The following DNAAF5 variants were observed in gnomAD, a reference collection of about 807,000 sequenced individuals.
DNAAF5 encodes dynein axonemal assembly factor 5.
Under a neutral mutation model 75.8 loss-of-function variants are expected in DNAAF5, and 64 were observed. The observed-to-expected ratio is 0.84, with a 90% CI of 0.69 to 1.04. The LOEUF is 1.04. Among genes scored for constraint, DNAAF5 ranks in the 50% least tolerant of loss-of-function variants. The probability of loss-of-function intolerance (pLI) is 0.00; values close to 1 mark genes in which losing one functional copy is unlikely to be tolerated. For synonymous variants in DNAAF5, 657 were observed against 557.2 expected (o/e 1.18, Z -2.52); for missense variants, 1,269 against 1,178.5 (o/e 1.08, Z -1.12).
chr7:751,729 C>T (rs766777966), intron 4 of DNAAF5, among the ~76,000 whole-genome samples: 6 of 151,950 alleles, frequency 3.9e-5, no homozygotes, highest in Middle Eastern at 3.4e-3. Context: ...CTCGCCAGCA[C>T]GACCGGCTTA....
intron 6 of DNAAF5, 146 bp from the exon 7 acceptor site, chr7:761,607 A>C (rs943542638): frequency 2.6e-6 from 2 of 768,508 alleles, no homozygotes; most frequent in African/African-American, 1.8e-5. Context: ...CAGCACGGGA[A>C]AGACCCACCC....
At chr7:766,791 C>A (rs73036238) in intron 8 of DNAAF5, among the ~76,000 whole-genome samples, 21,906 of 152,234 alleles carry the variant, frequency 0.14, 2,139 homozygotes, top group Middle Eastern at 0.26. Flanking sequence ...GCCCGGACAA[C>A]AGAGAGAGAC....
At chr7:783,433 C>A (rs1440546798) in intron 12 of DNAAF5, among the ~76,000 whole-genome samples, 1 of 152,176 alleles carries the variant, frequency 6.6e-6, no homozygotes, top group African/African-American at 2.4e-5. Context: ...GCTCTGCGTG[C>A]GACCACATGC....
At chr7:739,478 G>A (rs998261719) in intron 2 of DNAAF5, among the ~76,000 whole-genome samples, 2 of 152,218 alleles carry the variant, frequency 1.3e-5, no homozygotes, top group African/African-American at 4.8e-5. Flanking sequence ...GTTTCTCTTA[G>A]TTGTTATCTG....
At chr7:745,382 C>G (rs1214487610) in intron 4 of DNAAF5, among the ~76,000 whole-genome samples, 7 of 152,254 alleles carry the variant, frequency 4.6e-5, no homozygotes, top group African/African-American at 1.7e-4. Flanking sequence ...GATCTATGAT[C>G]CTTGGAATGC....
chr7:759,923 C>T (rs1224471511), intron 6 of DNAAF5, among the ~76,000 whole-genome samples: 1 of 152,196 alleles, frequency 6.6e-6, no homozygotes, highest in Non-Finnish European at 1.5e-5. Context: ...CAGATATTGT[C>T]CTCAGAAGTC....
At chr7:770,720 C>A (rs1251607137) in intron 9 of DNAAF5, 102 bp downstream of exon 9, 3 of 1,125,974 alleles carry the variant, frequency 2.7e-6, no homozygotes, top group African/African-American at 3.1e-5. Context: ...GTTCCCACCT[C>A]CTTCCCCAAC....
chr7:732,229 G>A (rs1249581744), intron 2 of DNAAF5, among the ~76,000 whole-genome samples: 4 of 152,238 alleles, frequency 2.6e-5, no homozygotes, highest in South Asian at 2.1e-4. Context: ...GTCCCAGTGC[G>A]GCAGGGGCTA....
At chr7:774,926 C>A in intron 10 of DNAAF5, 80 bp from the exon 11 acceptor site, 1 of 1,261,664 alleles carries the variant, frequency 7.9e-7, no homozygotes, top group Non-Finnish European at 1.2e-6. Flanking sequence ...TCCTTCCAGG[C>A]AGGAGTGCAC....
At chr7:742,980 T>A (rs1263113996) in intron 4 of DNAAF5, among the ~76,000 whole-genome samples, 1 of 152,240 alleles carries the variant, frequency 6.6e-6, no homozygotes, top group African/African-American at 2.4e-5. Context: ...CTCAACTTAC[T>A]TCCCATGTCA....
Position 726,704 on chromosome 7 carries a change from C to T in DNAAF5, c.-17C>T. ...GCGAAAGCGCTGTTCCCCTTAGTGACCGGCGACGCGGGCAAGATGGCGGCG... is the reference window on the plus strand; with the variant it reads ...GCGAAAGCGCTGTTCCCCTTAGTGATCGGCGACGCGGGCAAGATGGCGGCG... On this transcript the variant is annotated 5_prime_UTR_variant, in exon 1 of 13. Transcript: ENST00000297440. The T allele has an allele frequency of 8.1e-7, 1 of 1,237,000 alleles. No individual in the cohort carries two copies. The highest frequency in any genetic ancestry group is 1.6e-5 in the African/African-American group (1 of 64,452). The allele number at this position is 1,237,000 out of a possible 1,614,324, so 76.6% of individuals were successfully genotyped here.
At chr7:741,307 C>T (rs904202419) in intron 3 of DNAAF5, 40 bp from the exon 4 acceptor site, 2 of 1,492,070 alleles carry the variant, frequency 1.3e-6, no homozygotes, top group East Asian at 2.3e-5. Flanking sequence ...CCCCTGCGTG[C>T]CCTGCCCTGA....
At chr7:763,742 G>A in intron 7 of DNAAF5, 64 bp from the exon 8 acceptor site, 1 of 1,549,456 alleles carries the variant, frequency 6.5e-7, no homozygotes, top group South Asian at 1.2e-5. Context: ...GTGAGTCCCA[G>A]CAGGCAGGCA....
intron 2 of DNAAF5, among the ~76,000 whole-genome samples, chr7:738,908 A>C (rs980806080): frequency 1.3e-5 from 2 of 152,204 alleles, no homozygotes; most frequent in Non-Finnish European, 2.9e-5. Flanking sequence ...ACAGTGCAGG[A>C]GGTCAGGGAG....
intron 4 of DNAAF5, among the ~76,000 whole-genome samples, chr7:743,457 T>A (rs1781984577): frequency 6.6e-6 from 1 of 152,096 alleles, no homozygotes; most frequent in Non-Finnish European, 1.5e-5. Context: ...TACAGAGCCG[T>A]GGCTCCTCCC....
At chr7:762,719 T>G (rs995792523) in intron 7 of DNAAF5, among the ~76,000 whole-genome samples, 13 of 151,852 alleles carry the variant, frequency 8.6e-5, no homozygotes, top group Admixed American at 2.6e-4. Flanking sequence ...GTTCAAGTGA[T>G]TCTCCTGCCT....
chr7:762,451 C>T (rs1169807300), intron 7 of DNAAF5, among the ~76,000 whole-genome samples: 4 of 150,916 alleles, frequency 2.7e-5, no homozygotes, highest in African/African-American at 9.7e-5. Context: ...CGTGCCACTG[C>T]ACTCCAGCCT....
intron 2 of DNAAF5, among the ~76,000 whole-genome samples, chr7:738,561 A>AT (rs1781805318): frequency 7.0e-6 from 1 of 142,046 alleles, no homozygotes; most frequent in African/African-American, 2.7e-5. Flanking sequence ...AAGGCTTCTA[A>AT]TCCATTTATT....
In DNAAF5 at chr7:775,094, T is replaced by C. The variant is rs1778716048; in HGVS notation, c.2171T>C (p.Ile724Thr). 1.2e-6 allele frequency: 2 copies of C among 1,614,116 alleles called. No individual in the cohort carries two copies. Among genetic ancestry groups the C allele is most frequent in the Non-Finnish European group, 1.7e-6 (2 of 1,180,012 alleles). ...ATGACGCGACTGATCTCATGCCGTA[T>C]TATCAACACGTTCTTAAAAACCTCG... is the stretch of plus-strand genomic sequence containing the variant. ...SKMTRLISCR[I>T]INTFLKTSGG... is the part of the protein sequence containing the mutation. Residue 724 changes from isoleucine to threonine, a missense_variant, in exon 11 of 13, where the codon ATT becomes ACT. By Grantham distance (89) the Ile-to-Thr change is moderately conservative. Coordinates refer to ENST00000297440, the MANE Select transcript of DNAAF5 (RefSeq NM_017802.4).
Sources: gnomAD v4.1 joint callset for allele counts (sites outside exome capture counted in the v4.1 genomes callset) on GRCh38, gnomAD v4.1.1 for gene constraint, MANE v1.5 for transcripts, NCBI Gene and HGNC (gene_info 2026-07-23, HGNC 2026-07-21) for gene names.